PRRC2A: variants seen among roughly 807,000 people sequenced by gnomAD.
PRRC2A encodes the protein proline rich coiled-coil 2A, also known as protein PRRC2A.
A neutral mutation model predicts 224.6 loss-of-function variants in PRRC2A; 59 were observed. The observed-to-expected ratio is 0.26, with a 90% CI of 0.21 to 0.33. PRRC2A has a LOEUF of 0.33. Ranked by LOEUF, PRRC2A falls within the 10% of genes least tolerant of loss-of-function variation. The pLI is 1.00. For synonymous variants in PRRC2A, 1,194 were observed against 1,109.5 expected, an observed-to-expected ratio of 1.08 and a Z score of -1.51; for missense variants, 3,095 against 2,880.7, an observed-to-expected ratio of 1.07 and a Z score of -1.70.
At chr6:31,624,028 C>T (rs1167309684) in intron 3 of PRRC2A, 119 bp downstream of exon 3, 3 of 1,287,830 alleles carry the variant, frequency 2.3e-6, no homozygotes, top group Non-Finnish European at 2.1e-6. Flanking sequence ...CCCTTTCTTA[C>T]CTATTGCAGG....
At position 31,632,109 on chromosome 6, in the gene PRRC2A, C is replaced by T; in HGVS notation, c.3436C>T (p.Pro1146Ser). 6.4e-7 allele frequency: 1 copy of T among 1,552,600 alleles called. No individual in the cohort carries two copies. The highest frequency in any genetic ancestry group is 2.3e-5 in the East Asian group (1 of 44,280). The change falls in exon 16 of 31, where the codon CCT (proline) becomes TCT (serine). Residue 1146 changes from proline (P) to serine (S), a missense_variant. Pro to Ser is a moderately conservative substitution (Grantham distance 74). Transcript: ENST00000376033. ...CGCTCCCCCACCACCAGGAGCCCCACCTTCACCAGCCCCAGCCCGCTTCAC... is the reference window on the plus strand; with the variant it reads ...CGCTCCCCCACCACCAGGAGCCCCATCTTCACCAGCCCCAGCCCGCTTCAC... ...PLAPPPPGAPPSPAPARFTAR... is the reference protein window; with the variant it reads ...PLAPPPPGAPSSPAPARFTAR...
intron 17 of PRRC2A, 98 bp downstream of exon 17, chr6:31,633,745 C>T (rs1249062754): frequency 1.3e-6 from 2 of 1,528,352 alleles, no homozygotes; most frequent in East Asian, 4.5e-5. Flanking sequence ...GACCCTGCTG[C>T]TGGGTGCGTT....
chr6:31,634,690 A>C, intron 20 of PRRC2A, 63 bp from the exon 21 acceptor site: 1 of 1,566,710 alleles, frequency 6.4e-7, no homozygotes, highest in Non-Finnish European at 8.8e-7. Flanking sequence ...GTATGTGTGC[A>C]TCAGTCAGGT....
At chr6:31,635,549 G>C (rs373278203) in intron 23 of PRRC2A, 33 bp from the exon 24 acceptor site, 4 of 1,611,386 alleles carry the variant, frequency 2.5e-6, no homozygotes, top group Non-Finnish European at 3.4e-6. Context: ...CAGGATGCCA[G>C]ACATCCCTCT....
intron 13 of PRRC2A, 61 bp from the exon 14 acceptor site, chr6:31,629,487 C>A: frequency 7.1e-7 from 1 of 1,416,468 alleles, no homozygotes; most frequent in Non-Finnish European, 9.9e-7. Context: ...TTTTTCTTTG[C>A]TGATTCCTTT....
chr6:31,635,373 C>T (rs760584367), intron 22 of PRRC2A, 21 bp from the exon 23 acceptor site: 4 of 1,614,190 alleles, frequency 2.5e-6, no homozygotes, highest in South Asian at 2.2e-5. Flanking sequence ...GACAATGTCT[C>T]CTGCCTTCTT....
chr6:31,624,578 C>G (rs558946648), intron 5 of PRRC2A, 56 bp downstream of exon 5: 1 of 1,532,408 alleles, frequency 6.5e-7, no homozygotes. Context: ...ATGCATGAAC[C>G]CTGCACTGTA....
At chr6:31,628,919 C>A in intron 12 of PRRC2A, 2 of 542,174 alleles carry the variant, frequency 3.7e-6, no homozygotes, top group Non-Finnish European at 6.5e-6. Flanking sequence ...GAAGAAAGTA[C>A]TGTTGTTCTA....
rs748852285 is a variant in PRRC2A, at chr6:31,632,098, C to T, written c.3425C>T (p.Pro1142Leu). ...LTQVPLAPPP[P>L]GAPPSPAPAR... The stretch of plus-strand genomic sequence containing the variant: ...CAGGTCCCTCTCGCTCCCCCACCAC[C>T]AGGAGCCCCACCTTCACCAGCCCCA... The change falls in exon 16 of 31, where the codon CCA (proline) becomes CTA (leucine). Residue 1142 changes from proline (P) to leucine (L), a missense_variant. By Grantham distance (98) the Pro-to-Leu change is moderately conservative. Transcript: ENST00000376033. The T allele has an allele frequency of 1.9e-6, 3 of 1,551,932 alleles. No homozygotes were observed. The highest frequency in any genetic ancestry group is 2.6e-6 in the Non-Finnish European group (3 of 1,148,286).
At chr6:31,623,103 G>A (rs1399842351) in intron 2 of PRRC2A, 1 of 762,414 alleles carries the variant, frequency 1.3e-6, no homozygotes, top group East Asian at 2.4e-5. Context: ...CGTGTCTGTG[G>A]TTCCCTGTCT....
In PRRC2A at chr6:31,633,416, C is replaced by T; in HGVS notation, c.4357C>T (p.Pro1453Ser). Residue 1453 changes from proline (P) to serine (S), a missense_variant, in exon 17 of 31, where the codon CCT becomes TCT. Physicochemically the swap from Pro to Ser is moderately conservative, Grantham distance 74. This residue lies in a region of PRRC2A where 2,001 missense variants were observed against 1,764.9 expected (regional missense o/e 1.13). Transcript: ENST00000376033. Reference protein sequence around the residue: ...PEERPPGLPLPPPPPSSSAVF... With the variant: ...PEERPPGLPLSPPPPSSSAVF... ...GGAGCGTCCCCCGGGGCTTCCCCTG[C>T]CTCCCCCACCTCCCAGCAGTTCTGC... The T allele has an allele frequency of 3.1e-6, 5 of 1,613,018 alleles. No individual in the cohort carries two copies. The highest frequency in any genetic ancestry group is 4.2e-6 in the Non-Finnish European group (5 of 1,179,984).
chr6:31,624,608 G>T, intron 5 of PRRC2A, 86 bp downstream of exon 5: 1 of 1,429,610 alleles, frequency 7.0e-7, no homozygotes, highest in Non-Finnish European at 9.8e-7. Context: ...AAGTGACCTT[G>T]GTCCTCTTTG....
At position 31,636,810 on chromosome 6, in the gene PRRC2A, A is replaced by G. The variant is rs1203920452; in HGVS notation, c.6012A>G (p.Pro2004=). ...TGCCGCCAGCACCACCTCCTGCCCC[A>G]CCTCCCCTTTCTCTGTTACCTGTGG... ...GSLPPAPPPA[P]PPLSLLPVGP... is the part of the protein sequence containing the mutation. Residue 2004 remains proline, a synonymous_variant, in exon 28 of 31, where the codon CCA becomes CCG. Coordinates refer to ENST00000376033, the MANE Select transcript of PRRC2A (RefSeq NM_004638.4). This position sits in a 1 kb window ranked among gnomAD's most constrained non-coding sequence, Gnocchi z 4.3. The G allele has an allele frequency of 6.2e-7, 1 of 1,609,166 alleles. No homozygotes were observed. The highest frequency in any genetic ancestry group is 8.5e-7 in the Non-Finnish European group (1 of 1,179,722).
Position 31,625,349 on chromosome 6 carries a change from T to C in PRRC2A, c.607+35T>C. The stretch of plus-strand genomic sequence containing the variant: ...TGCCTTTTGGCCAAGACATTACCTA[T>C]TGCATCTCAGAGCTAGGTGCTGGCT... On this transcript the variant is annotated intron_variant, in intron 6 of 30. Coordinates refer to ENST00000376033, the MANE Select transcript of PRRC2A (RefSeq NM_004638.4). This position sits in a 1 kb window ranked among gnomAD's most constrained non-coding sequence, Gnocchi z 4.1. The C allele has an allele frequency of 1.2e-6, 2 of 1,614,160 alleles. No individual in the cohort carries two copies. Among genetic ancestry groups the C allele is most frequent in the Non-Finnish European group, 1.7e-6 (2 of 1,180,004 alleles).
chr6:31,627,107 A>C lies in PRRC2A; in HGVS notation c.1199A>C (p.Glu400Ala). The change falls in exon 11 of 31, where the codon GAG becomes GCG. Residue 400 changes from glutamate to alanine, a missense_variant. Transcript: ENST00000376033. The surrounding 1 kb of genome is among the most constrained non-coding windows in gnomAD (Gnocchi z 5.6). ...TGGGCAGAAACCTCTCGGCCTCCAG[A>C]GACAGAGCCGGGACCTCCTGCCCCA... Reference protein sequence around the residue: ...TAWAETSRPPETEPGPPAPKP... With the variant: ...TAWAETSRPPATEPGPPAPKP... 1.9e-6 allele frequency: 3 copies of C among 1,614,048 alleles called. No individual in the cohort carries two copies. The highest frequency in any genetic ancestry group is 2.5e-6 in the Non-Finnish European group (3 of 1,180,008).
At position 31,627,118 on chromosome 6, in the gene PRRC2A, G is replaced by A; in HGVS notation, c.1210G>A (p.Gly404Arg). ...ETSRPPETEPGPPAPKPPLPP... is the reference protein window; with the variant it reads ...ETSRPPETEPRPPAPKPPLPP... ...CTCTCGGCCTCCAGAGACAGAGCCG[G>A]GACCTCCTGCCCCAAAGCCTCCCCT... Residue 404 changes from glycine (G) to arginine (R), a missense_variant, in exon 11 of 31, where the codon GGA becomes AGA. This residue lies in a region of PRRC2A where 2,001 missense variants were observed against 1,764.9 expected (regional missense o/e 1.13). Transcript: ENST00000376033. This position sits in a 1 kb window ranked among gnomAD's most constrained non-coding sequence, Gnocchi z 5.6. 1 of 1,613,948 alleles carries A rather than the reference G, an allele frequency of 6.2e-7. No individual in the cohort carries two copies. Among genetic ancestry groups the A allele is most frequent in the Non-Finnish European group, 8.5e-7 (1 of 1,179,990 alleles).
rs774865307 is a variant in PRRC2A at position 31,631,152 on chromosome 6, C to T, written c.2479C>T (p.Pro827Ser). Reference protein sequence around the residue: ...DDKGMRSETPPVPPPPPYLAS... With the variant: ...DDKGMRSETPSVPPPPPYLAS... The stretch of plus-strand genomic sequence containing the variant: ...CTGTCTCTTCAGGAGCGAGACTCCT[C>T]CAGTACCTCCCCCACCACCCTATCT... Residue 827 changes from proline (P) to serine (S), a missense_variant, in exon 16 of 31, where the codon CCA (proline) becomes TCA (serine). By Grantham distance (74) the Pro-to-Ser change is moderately conservative. This residue lies in a region of PRRC2A where 2,001 missense variants were observed against 1,764.9 expected (regional missense o/e 1.13). Coordinates refer to ENST00000376033, the MANE Select transcript of PRRC2A (RefSeq NM_004638.4). The surrounding 1 kb of genome is among the most constrained non-coding windows in gnomAD (Gnocchi z 4.5). 5.9e-6 allele frequency: 9 copies of T among 1,526,944 alleles called. No homozygotes were observed. The highest frequency in any genetic ancestry group is 1.4e-5 in the African/African-American group (1 of 71,790). The allele number at this position is 1,526,944 out of a possible 1,614,324, so 94.6% of individuals were successfully genotyped here.
chr6:31,636,263 T>C lies in PRRC2A; in HGVS notation c.5679T>C (p.Ser1893=), dbSNP rs1310718891. Residue 1893 remains serine (S), a synonymous_variant, in exon 26 of 31, where the codon TCT becomes TCC. Coordinates refer to ENST00000376033, the MANE Select transcript of PRRC2A (RefSeq NM_004638.4). This position sits in a 1 kb window ranked among gnomAD's most constrained non-coding sequence, Gnocchi z 4.3. The part of the protein sequence containing the change: ...PGPAPPSALL[S]GLALKGQFLD... ...CAGCCCCTCCCTCAGCACTGCTCTCTGGGTTAGCTCTCAAGGGCCAGTTTC... is the reference window on the plus strand; with the variant it reads ...CAGCCCCTCCCTCAGCACTGCTCTCCGGGTTAGCTCTCAAGGGCCAGTTTC... The C allele has an allele frequency of 6.2e-7, 1 of 1,612,852 alleles. No individual in the cohort carries two copies. Among genetic ancestry groups the C allele is most frequent in the Non-Finnish European group, 8.5e-7 (1 of 1,179,948 alleles).
At position 31,634,900 on chromosome 6, in the gene PRRC2A, G is replaced by A. The variant is rs1777129344; in HGVS notation, c.5083G>A (p.Ala1695Thr). ...GCCTGGAGGCTCCTCACCCCTGAAT[G>A]CTGTTCCTTGTGAGGGTCCACCTGG... ...KRPGGSSPLN[A>T]VPCEGPPGSE... The change falls in exon 21 of 31, where the codon GCT becomes ACT. Residue 1695 changes from alanine to threonine, a missense_variant. Ala to Thr is a moderately conservative substitution (Grantham distance 58). This residue lies in a region of PRRC2A where 662 missense variants were observed against 609.5 expected (regional missense o/e 1.09). Transcript: ENST00000376033. 6.2e-7 allele frequency: 1 copy of A among 1,612,884 alleles called. No homozygotes were observed. The highest frequency in any genetic ancestry group is 1.7e-5 in the Admixed American group (1 of 60,000).
Sources: gnomAD v4.1 joint callset for allele counts on GRCh38, gnomAD v4.1.1 for gene constraint, gnomAD v4.1.1 regional missense constraint, Gnocchi (gnomAD v3.1) non-coding constraint, MANE v1.5 for transcripts, NCBI Gene and HGNC (gene_info 2026-07-23, HGNC 2026-07-21) for gene names.